Variants in TMTC2 observed in about 807,000 individuals in gnomAD.
TMTC2 encodes the protein protein O-mannosyl-transferase TMTC2.
A neutral mutation model predicts 82.4 loss-of-function variants in TMTC2; 43 were observed. The ratio of observed to expected loss-of-function variants is 0.52; its 90% confidence interval spans 0.41 to 0.67. The LOEUF (loss-of-function observed/expected upper bound fraction) is 0.67. TMTC2 is among the 30% of genes least tolerant of loss of function. The pLI is 0.00. For missense variants in TMTC2, 919 were observed against 1,012.4 expected (o/e 0.91, Z 1.25); for synonymous variants, 408 against 381.9 (o/e 1.07, Z -0.80).
chr12:82,872,297 A>G (rs1872241341), intron 2 of TMTC2, among the ~76,000 whole-genome samples: 1 of 152,184 alleles, frequency 6.6e-6, no homozygotes, highest in Non-Finnish European at 1.5e-5. Context: ...CTTGCGCTAC[A>G]TTTAACAGAC....
intron 2 of TMTC2, among the ~76,000 whole-genome samples, chr12:82,889,132 C>G (rs1209534821): frequency 6.6e-6 from 1 of 151,886 alleles, no homozygotes; most frequent in Non-Finnish European, 1.5e-5. Context: ...CAAAAATTAG[C>G]CAGGCGTGGT....
intron 1 of TMTC2, among the ~76,000 whole-genome samples, chr12:82,816,090 G>A (rs982517073): frequency 6.6e-6 from 1 of 151,110 alleles, no homozygotes; most frequent in African/African-American, 2.4e-5. Flanking sequence ...AGCAAACTTT[G>A]TCTAAAAAGA....
At chr12:82,883,393 T>C (rs767822744) in intron 2 of TMTC2, among the ~76,000 whole-genome samples, 8 of 152,214 alleles carry the variant, frequency 5.3e-5, no homozygotes, top group Non-Finnish European at 1.2e-4. Context: ...TATTTGTATA[T>C]ATAATATAAA....
intron 11 of TMTC2, among the ~76,000 whole-genome samples, chr12:83,100,785 T>C (rs555137791): frequency 3.9e-5 from 6 of 152,182 alleles, no homozygotes; most frequent in African/African-American, 9.6e-5. Flanking sequence ...CATTAACAAA[T>C]ACTAAAAAAA....
At chr12:82,794,177 CAG>C (rs1878599282) in intron 1 of TMTC2, among the ~76,000 whole-genome samples, 2 of 152,148 alleles carry the variant, frequency 1.3e-5, no homozygotes, top group Admixed American at 1.3e-4. Context: ...GCATGTGGGA[CAG>C]GGCGCAGGCC....
At chr12:83,086,387 C>G (rs181751297) in intron 11 of TMTC2, among the ~76,000 whole-genome samples, 1 of 152,306 alleles carries the variant, frequency 6.6e-6, no homozygotes, top group East Asian at 1.9e-4. Context: ...TAAAGCTCTT[C>G]AGGTGATTCT....
At chr12:82,900,712 A>AAT (rs772208168) in intron 3 of TMTC2, among the ~76,000 whole-genome samples, 2,873 of 102,202 alleles carry the variant, frequency 0.028, 78 homozygotes, top group Non-Finnish European at 0.038. Flanking sequence ...ATATCTCTGG[A>AAT]ATATATATAT....
At chr12:83,048,681 GA>G (rs1207199336) in intron 9 of TMTC2, among the ~76,000 whole-genome samples, 2 of 152,106 alleles carry the variant, frequency 1.3e-5, no homozygotes, top group Admixed American at 1.3e-4. Flanking sequence ...ATTTATTTAT[GA>G]ATGAATGACA....
At position 82,856,978 on chromosome 12, in the gene TMTC2, C is replaced by A. The variant is rs766529149; in HGVS notation, c.84-32C>A. 1.9e-6 allele frequency: 3 copies of A among 1,568,194 alleles called. No homozygotes were observed. The South Asian group carries it at 3.5e-5, about 18-fold the overall frequency. Reference sequence around the variant, plus strand: ...ATTTTTTCTTTCTTTCTGTGTTTTACATTTGATTTTTTTTAACGTTTTGTT... The same window carrying A: ...ATTTTTTCTTTCTTTCTGTGTTTTAAATTTGATTTTTTTTAACGTTTTGTT... On this transcript the variant is annotated intron_variant, in intron 1 of 11. Coordinates refer to ENST00000321196, the MANE Select transcript of TMTC2 (RefSeq NM_152588.3).
intron 1 of TMTC2, among the ~76,000 whole-genome samples, chr12:82,718,850 A>G (rs567874235): frequency 7.5e-4 from 114 of 152,028 alleles, no homozygotes; most frequent in African/African-American, 2.6e-3. Context: ...TAAGATTCAT[A>G]TAGAAATTGT....
Position 83,132,549 on chromosome 12 carries a change from T to A in TMTC2, c.*160T>A. On this transcript the variant is annotated 3_prime_UTR_variant, in exon 12 of 12. Coordinates refer to ENST00000321196, the MANE Select transcript of TMTC2 (RefSeq NM_152588.3). ...GCTTCTGGAAGAATCCACTTTGCTG[T>A]AGGCACAGCTGTTAACACCAAAAAG... The A allele has an allele frequency of 1.3e-6, 1 of 770,684 alleles. No individual in the cohort carries two copies. Among genetic ancestry groups the A allele is most frequent in the Non-Finnish European group, 2.0e-6 (1 of 503,868 alleles). The allele number at this position is 770,684 out of a possible 1,614,324, so 47.7% of individuals were successfully genotyped here.
chr12:82,997,364 ATGTG>A (rs1281409243), intron 8 of TMTC2, among the ~76,000 whole-genome samples: 4 of 28,964 alleles, frequency 1.4e-4, no homozygotes, highest in African/African-American at 3.2e-4. Flanking sequence ...ATATATATAT[ATGTG>A]TATATATATA....
chr12:83,056,652 C>T (rs919401281), intron 10 of TMTC2, among the ~76,000 whole-genome samples: 6 of 151,838 alleles, frequency 4.0e-5, no homozygotes, highest in Admixed American at 1.3e-4. Context: ...ATTTCCAGCG[C>T]CCTCTGGACC....
chr12:82,747,480 T>TA (rs142878822), intron 1 of TMTC2, among the ~76,000 whole-genome samples: 5,328 of 152,162 alleles, frequency 0.035, 306 homozygotes, highest in African/African-American at 0.12. Flanking sequence ...AACCAAAGTG[T>TA]AAAAAAGCTA....
chr12:82,735,210 A>G (rs1773405434), intron 1 of TMTC2, among the ~76,000 whole-genome samples: 1 of 152,200 alleles, frequency 6.6e-6, no homozygotes, highest in Non-Finnish European at 1.5e-5. Flanking sequence ...AGAAATCTAT[A>G]TCAAATACCA....
intron 2 of TMTC2, among the ~76,000 whole-genome samples, chr12:82,876,118 G>GTGATGATGATGA (rs1872542050): frequency 6.8e-6 from 1 of 148,082 alleles, no homozygotes; most frequent in African/African-American, 2.5e-5. Flanking sequence ...GGTGGTGGTG[G>GTGATGATGATGA]TGGTATTAGT....
chr12:82,965,280 ATTGATCAT>A (rs1206149398), intron 5 of TMTC2, among the ~76,000 whole-genome samples, 171 bp downstream of exon 5: 215 of 152,246 alleles, frequency 1.4e-3, no homozygotes, highest in Middle Eastern at 6.8e-3. Context: ...TTTAATGTCC[ATTGATCAT>A]TAAAAAATTA....
At chr12:82,771,715 T>G (rs1381985235) in intron 1 of TMTC2, among the ~76,000 whole-genome samples, 5 of 152,178 alleles carry the variant, frequency 3.3e-5, no homozygotes, top group Non-Finnish European at 7.4e-5. Flanking sequence ...CATAAATAAC[T>G]AATGAACAAT....
chr12:82,809,354 C>G (rs1281039675), intron 1 of TMTC2, among the ~76,000 whole-genome samples: 1 of 151,940 alleles, frequency 6.6e-6, no homozygotes, highest in Non-Finnish European at 1.5e-5. Context: ...AGCTCCATTA[C>G]AAATTGGAGT....
Sources: gnomAD v4.1 joint callset for allele counts (sites outside exome capture counted in the v4.1 genomes callset) on GRCh38, gnomAD v4.1.1 for gene constraint, MANE v1.5 for transcripts, NCBI Gene and HGNC (gene_info 2026-07-23, HGNC 2026-07-21) for gene names.